The following PCGF6 variants were observed in gnomAD, a reference collection of about 807,000 sequenced individuals.
The protein encoded by PCGF6 is polycomb group RING finger protein 6.
A neutral mutation model predicts 45.5 loss-of-function variants in PCGF6; 24 were observed. The observed-to-expected ratio is 0.53, with a 90% CI of 0.38 to 0.74. PCGF6 has a LOEUF of 0.74. PCGF6 is among the 30% of genes least tolerant of loss of function. The pLI is 0.00. For synonymous variants in PCGF6, 152 were observed against 162.1 expected, an observed-to-expected ratio of 0.94 and a Z score of 0.47; for missense variants, 356 against 443.2, an observed-to-expected ratio of 0.80 and a Z score of 1.77.
At chr10:103,318,755 G>GA (rs993521489) in intron 8 of PCGF6, among the ~76,000 whole-genome samples, 1 of 150,690 alleles carries the variant, frequency 6.6e-6, no homozygotes, top group African/African-American at 2.4e-5. Flanking sequence ...AAAAAAAAAA[G>GA]AAAAAAGAAA....
At chr10:103,326,146 C>T (rs2093217344) in intron 8 of PCGF6, among the ~76,000 whole-genome samples, 1 of 151,944 alleles carries the variant, frequency 6.6e-6, no homozygotes, top group South Asian at 2.1e-4. Flanking sequence ...GCCTGTAATC[C>T]CAGCACTTTG....
intron 8 of PCGF6, among the ~76,000 whole-genome samples, chr10:103,324,523 C>A (rs1592063154): frequency 6.6e-6 from 1 of 151,618 alleles, no homozygotes; most frequent in Non-Finnish European, 1.5e-5. Context: ...CTTTGGGAGG[C>A]CGAGGCGGGA....
chr10:103,349,943 G>A (rs915880515), intron 1 of PCGF6, among the ~76,000 whole-genome samples: 1 of 151,798 alleles, frequency 6.6e-6, no homozygotes, highest in African/African-American at 2.4e-5. Flanking sequence ...TAAGCCGGGC[G>A]TGGTGGCGGG....
intron 3 of PCGF6, among the ~76,000 whole-genome samples, chr10:103,347,734 G>A (rs1394891231): frequency 1.3e-5 from 2 of 152,058 alleles, no homozygotes; most frequent in Admixed American, 6.6e-5. Context: ...TGTCACCCAG[G>A]CTGGAGTGCA....
intron 9 of PCGF6, among the ~76,000 whole-genome samples, chr10:103,305,638 C>T (rs1434092646): frequency 3.3e-5 from 5 of 152,132 alleles, no homozygotes. Flanking sequence ...TACAACGCAT[C>T]GCAGATCTGT....
intron 6 of PCGF6, among the ~76,000 whole-genome samples, chr10:103,341,906 C>A (rs1298468562): frequency 6.6e-6 from 1 of 151,982 alleles, no homozygotes; most frequent in African/African-American, 2.4e-5. Context: ...TCAATAGACT[C>A]CAGTGCCGCT....
intron 7 of PCGF6, among the ~76,000 whole-genome samples, chr10:103,332,691 G>A (rs1227029169): frequency 2.6e-5 from 4 of 152,050 alleles, no homozygotes; most frequent in East Asian, 1.9e-4. Context: ...CATATATCCT[G>A]GTGCTTAAAC....
At chr10:103,317,501 G>A (rs1379599257) in intron 8 of PCGF6, among the ~76,000 whole-genome samples, 1 of 152,002 alleles carries the variant, frequency 6.6e-6, no homozygotes, top group Non-Finnish European at 1.5e-5. Context: ...AAAACACAGA[G>A]GTGCTGGGTA....
chr10:103,328,079 A>T (rs893803582), intron 7 of PCGF6, among the ~76,000 whole-genome samples: 1 of 152,116 alleles, frequency 6.6e-6, no homozygotes, highest in Non-Finnish European at 1.5e-5. Context: ...TAAGTAGATG[A>T]CAGAGTTTGA....
Position 103,346,696 on chromosome 10 carries a change from G to A in PCGF6, c.673+542C>T, listed in dbSNP as rs562849727. Among the ~76,000 whole-genome samples, 3 of 152,162 alleles carry A rather than the reference G, an allele frequency of 2.0e-5. No individual in the cohort carries two copies. In the South Asian group the frequency reaches 6.2e-4, roughly 32 times the overall value. On this transcript the variant is annotated intron_variant, in intron 5 of 9. Transcript: ENST00000369847. ...TGTAATCTCAGCTACTTGGGAGGCT[G>A]AGGCAGGAGAATTGCTCAAACCCAG...
intron 8 of PCGF6, among the ~76,000 whole-genome samples, chr10:103,324,366 T>G (rs1004515885): frequency 2.0e-5 from 3 of 151,644 alleles, no homozygotes; most frequent in Admixed American, 2.0e-4. Context: ...ATATAAATGT[T>G]CATTTTTACT....
intron 8 of PCGF6, among the ~76,000 whole-genome samples, chr10:103,320,556 G>A (rs567580457): frequency 9.9e-5 from 15 of 152,106 alleles, no homozygotes; most frequent in South Asian, 8.3e-4. Context: ...GCATGGTGGC[G>A]CATGCCTGTA....
At chr10:103,344,429 G>A (rs2093292098) in intron 6 of PCGF6, among the ~76,000 whole-genome samples, 1 of 151,660 alleles carries the variant, frequency 6.6e-6, no homozygotes, top group African/African-American at 2.4e-5. Flanking sequence ...CTGCCACCAT[G>A]CCTGGATAAT....
intron 6 of PCGF6, among the ~76,000 whole-genome samples, chr10:103,341,574 G>T (rs927514567): frequency 1.3e-5 from 2 of 151,376 alleles, no homozygotes; most frequent in Non-Finnish European, 2.9e-5. Flanking sequence ...TGAATAGCTG[G>T]GATTACAGGT....
intron 7 of PCGF6, among the ~76,000 whole-genome samples, chr10:103,329,880 G>A (rs751984271): frequency 2.3e-4 from 35 of 151,932 alleles, no homozygotes; most frequent in Admixed American, 6.6e-5. Context: ...CTGAGTTCAC[G>A]CCATTCTCCT....
At chr10:103,306,200 C>A (rs1258809486) in intron 9 of PCGF6, among the ~76,000 whole-genome samples, 1 of 151,648 alleles carries the variant, frequency 6.6e-6, no homozygotes, top group Admixed American at 6.6e-5. Context: ...CGGGTTCAAG[C>A]GATTCTCCTG....
rs756083927 is a variant in PCGF6, at chr10:103,348,997, G to A, written c.363C>T (p.Arg121=). The change falls in exon 2 of 10, where the codon CGC becomes CGT. Residue 121 remains arginine (R), a splice_region_variant and synonymous_variant. Transcript: ENST00000369847. ...GRQDSEDEEE[R]LINLSELTPY... ...GGGTCAGCTCAGAGAGATTAATCAG[G>A]CGCTGCAAATAAACGGAAACAGTTT... 1.2e-6 allele frequency: 2 copies of A among 1,607,790 alleles called. No individual in the cohort carries two copies. Among genetic ancestry groups the A allele is most frequent in the Non-Finnish European group, 1.7e-6 (2 of 1,177,840 alleles).
chr10:103,325,874 T>G (rs544370104), intron 8 of PCGF6, among the ~76,000 whole-genome samples: 328 of 122,654 alleles, frequency 2.7e-3, no homozygotes, highest in Non-Finnish European at 3.6e-3. Flanking sequence ...AAAAAAAAAA[T>G]TAGCTGGGCA....
intron 6 of PCGF6, among the ~76,000 whole-genome samples, chr10:103,340,197 AAATAT>A (rs1250121965): frequency 1.9e-4 from 18 of 94,806 alleles, no homozygotes; most frequent in Non-Finnish European, 2.8e-4. Context: ...AAAAAAAAAA[AAATAT>A]ATATATATAT....
Sources: gnomAD v4.1 joint callset for allele counts (sites outside exome capture counted in the v4.1 genomes callset) on GRCh38, gnomAD v4.1.1 for gene constraint, MANE v1.5 for transcripts, NCBI Gene and HGNC (gene_info 2026-07-23, HGNC 2026-07-21) for gene names.